The following LIMCH1 variants were observed in gnomAD, a reference collection of about 807,000 sequenced individuals.
LIMCH1 encodes the protein LIM and calponin homology domains-containing protein 1.
Under a neutral mutation model 176.5 loss-of-function variants are expected in LIMCH1, and 113 were observed. The observed-to-expected ratio is 0.64, with a 90% confidence interval of 0.55 to 0.75. The LOEUF is 0.75. Ranked by LOEUF, LIMCH1 falls within the 30% of genes least tolerant of loss-of-function variation. LIMCH1 has a pLI of 0.00. For synonymous variants in LIMCH1, 619 were observed against 645.9 expected, an observed-to-expected ratio of 0.96 and a Z score of 0.63; for missense variants, 1,674 against 1,814.9, an observed-to-expected ratio of 0.92 and a Z score of 1.41.
intron 31 of LIMCH1, among the ~76,000 whole-genome samples, chr4:41,694,597 T>G (rs1196840947): frequency 2.6e-5 from 4 of 152,204 alleles, no homozygotes; most frequent in African/African-American, 9.6e-5. Context: ...TAATGACTTT[T>G]AAATAGCGGC....
chr4:41,359,888 A>G (rs2051783858), upstream of LIMCH1: 1 of 151,952 alleles, frequency 6.6e-6, no homozygotes, highest in African/African-American at 2.4e-5. Context: ...CTCCTCTTTT[A>G]TCTTAACAAC....
intron 1 of LIMCH1, among the ~76,000 whole-genome samples, chr4:41,488,204 G>A (rs760244488): frequency 7.2e-5 from 11 of 152,078 alleles, no homozygotes; most frequent in Admixed American, 6.5e-4. Flanking sequence ...ATGTAAAGAC[G>A]TATGAAAAAA....
Position 41,588,890 on chromosome 4 carries a change from C to G in LIMCH1, c.-240-10030C>G, listed in dbSNP as rs147934880. Among the ~76,000 whole-genome samples, 433 of 152,276 alleles carry G rather than the reference C, an allele frequency of 2.8e-3. 2 individuals are homozygous for G. The highest frequency in any genetic ancestry group is 0.01 in the African/African-American group (421 of 41,554). Reference sequence around the variant, plus strand: ...AAGGAGGGAGGGCCAGGAGTGTTATCCCAGCTGATGTCCCTCCATATAGAC... The same window carrying G: ...AAGGAGGGAGGGCCAGGAGTGTTATGCCAGCTGATGTCCCTCCATATAGAC... On this transcript the variant is annotated intron_variant, in intron 1 of 31. Transcript: ENST00000503057.
intron 4 of LIMCH1, chr4:41,613,051 C>T: frequency 6.4e-7 from 1 of 1,552,150 alleles, no homozygotes; most frequent in Non-Finnish European, 8.7e-7. Context: ...ACCAGGGGCT[C>T]ATTCCCAGGA....
At chr4:41,448,850 T>C (rs1474665636) in intron 1 of LIMCH1, among the ~76,000 whole-genome samples, 1 of 152,134 alleles carries the variant, frequency 6.6e-6, no homozygotes, top group Non-Finnish European at 1.5e-5. Context: ...TATTAAATAT[T>C]CAGTAAAAAA....
At chr4:41,535,162 C>CAAAAAA (rs61639965), upstream of LIMCH1, among the ~76,000 whole-genome samples, 99 of 83,812 alleles carry the variant, frequency 1.2e-3, no homozygotes, top group East Asian at 2.5e-3. Context: ...GACCCTGTCA[C>CAAAAAA]AAAAAAAAAA....
At chr4:41,558,305 G>A (rs1036529163) in intron 1 of LIMCH1, among the ~76,000 whole-genome samples, 11 of 152,076 alleles carry the variant, frequency 7.2e-5, no homozygotes, top group African/African-American at 2.7e-4. Flanking sequence ...TGAGATGCCT[G>A]CCTTAGATCT....
chr4:41,638,730 A>G (rs905009396), intron 13 of LIMCH1, among the ~76,000 whole-genome samples: 13 of 152,164 alleles, frequency 8.5e-5, no homozygotes, highest in African/African-American at 3.1e-4. Flanking sequence ...TAAATTTTGC[A>G]TTTTTTAGAA....
chr4:41,385,854 T>G (rs2056425311), intron 1 of LIMCH1: 1 of 152,216 alleles, frequency 6.6e-6, no homozygotes, highest in Admixed American at 6.5e-5. Flanking sequence ...CCAAAGAGCC[T>G]GTTGAATTTT....
At chr4:41,669,605 C>T (rs373189684) in intron 21 of LIMCH1, among the ~76,000 whole-genome samples, 1 of 152,154 alleles carries the variant, frequency 6.6e-6, no homozygotes, top group Non-Finnish European at 1.5e-5. Flanking sequence ...AAACCACTGG[C>T]CTCAAGTATT....
intron 8 of LIMCH1, 149 bp from the exon 9 acceptor site, chr4:41,629,343 T>A: frequency 1.1e-6 from 1 of 944,312 alleles, no homozygotes; most frequent in Non-Finnish European, 1.5e-6. Flanking sequence ...CAGCTCCCGT[T>A]GATTCCATTT....
chr4:41,553,665 G>A (rs996404366), intron 1 of LIMCH1, among the ~76,000 whole-genome samples: 19 of 152,096 alleles, frequency 1.2e-4, no homozygotes, highest in African/African-American at 4.3e-4. Flanking sequence ...ATGAAAGAAC[G>A]GAGGAAGGGA....
intron 1 of LIMCH1, among the ~76,000 whole-genome samples, chr4:41,433,759 C>A (rs2061812141): frequency 6.6e-6 from 1 of 151,808 alleles, no homozygotes; most frequent in African/African-American, 2.4e-5. Flanking sequence ...CATGTTACTT[C>A]CACCATATCC....
At chr4:41,550,355 T>G (rs547193976) in intron 1 of LIMCH1, among the ~76,000 whole-genome samples, 1 of 151,888 alleles carries the variant, frequency 6.6e-6, no homozygotes, top group Admixed American at 6.5e-5. Context: ...TTGATACCTT[T>G]AGCTCATTTT....
At chr4:41,388,945 T>G (rs2056864232) in intron 1 of LIMCH1, among the ~76,000 whole-genome samples, 1 of 152,172 alleles carries the variant, frequency 6.6e-6, no homozygotes, top group Non-Finnish European at 1.5e-5. Flanking sequence ...ACCCAGCCCA[T>G]AAAGCTGTTT....
Position 41,680,961 on chromosome 4 carries a change from A to C in LIMCH1, c.3619A>C (p.Lys1207Gln). 2 of 1,584,436 alleles carry C rather than the reference A, an allele frequency of 1.3e-6. No homozygotes were observed. The highest frequency in any genetic ancestry group is 1.7e-6 in the Non-Finnish European group (2 of 1,153,796). ...TTCCTGTCCTTCCCCTTAGGAGCGT[A>C]AGATAATTGAAGACACTGTGGTTCC... Reference protein sequence around the residue: ...EERRYYEEERKIIEDTVVPFT... With the variant: ...EERRYYEEERQIIEDTVVPFT... The change falls in exon 25 of 32, where the codon AAG (lysine) becomes CAG (glutamine). Residue 1207 changes from lysine (K) to glutamine (Q), a missense_variant. This residue lies in a region of LIMCH1 where 1,015 missense variants were observed against 1,102.5 expected (regional missense o/e 0.92). Coordinates refer to ENST00000503057, the MANE Select transcript of LIMCH1 (RefSeq NM_001330672.2).
At chr4:41,597,084 G>A (rs1228300023) in intron 1 of LIMCH1, among the ~76,000 whole-genome samples, 1 of 151,442 alleles carries the variant, frequency 6.6e-6, no homozygotes, top group Non-Finnish European at 1.5e-5. Context: ...CTCAGATATA[G>A]CCCCCCTGTG....
In LIMCH1 at chr4:41,503,910, C is replaced by G. The variant is rs560002625; in HGVS notation, c.167+9304C>G. Among the ~76,000 whole-genome samples the G allele has an allele frequency of 3.9e-5, 6 of 152,332 alleles. No individual in the cohort carries two copies. In the East Asian group the frequency reaches 1.2e-3, roughly 29 times the overall value. On this transcript the variant is annotated intron_variant, in intron 2 of 26. Coordinates refer to the LIMCH1 transcript ENST00000313860. ...GATGCTTCCAGGAGCTGCCATTTTT[C>G]TGATGTGGCTGCCACGTTTCCCAAC...
chr4:41,370,655 T>C (rs942564615), intron 1 of LIMCH1, among the ~76,000 whole-genome samples: 3 of 152,226 alleles, frequency 2.0e-5, no homozygotes, highest in Non-Finnish European at 4.4e-5. Flanking sequence ...TGATTCATTA[T>C]GCTGTTAGAG....
Sources: allele counts gnomAD v4.1 joint callset (sites outside exome capture counted in the v4.1 genomes callset), GRCh38; gene constraint gnomAD v4.1.1; regional missense constraint gnomAD v4.1.1; transcripts MANE v1.5; gene names NCBI Gene and HGNC (gene_info 2026-07-23, HGNC 2026-07-21).